Variants in DLG2 observed in about 807,000 individuals in gnomAD.
DLG2 encodes the protein discs large MAGUK scaffold protein 2, also known as disks large homolog 2.
A neutral mutation model predicts 132.5 loss-of-function variants in DLG2; 45 were observed. The observed-to-expected ratio is 0.34, with a 90% CI of 0.27 to 0.44. The LOEUF (loss-of-function observed/expected upper bound fraction) is 0.44, where lower values mean the gene tolerates loss of function less well. Among genes scored for constraint, DLG2 ranks in the 20% least tolerant of loss-of-function variants. The pLI is 1.00. For synonymous variants in DLG2, 424 were observed against 419.6 expected (o/e 1.01, Z -0.13); for missense variants, 1,045 against 1,196.9 (o/e 0.87, Z 1.87).
At chr11:84,384,742 C>CA (rs1019011111) in intron 7 of DLG2, among the ~76,000 whole-genome samples, 6 of 151,768 alleles carry the variant, frequency 4.0e-5, no homozygotes, top group African/African-American at 4.8e-5. Context: ...AGTATCTGCC[C>CA]AAAAAACCTA....
chr11:85,501,493 C>T (rs901727069), intron 3 of DLG2, among the ~76,000 whole-genome samples: 45 of 151,880 alleles, frequency 3.0e-4, no homozygotes, highest in Admixed American at 6.6e-4. Flanking sequence ...ACCTACAGAA[C>T]GGGAGAAAAT....
intron 7 of DLG2, among the ~76,000 whole-genome samples, chr11:84,318,551 G>A (rs2098382713): frequency 6.6e-6 from 1 of 152,150 alleles, no homozygotes; most frequent in African/African-American, 2.4e-5. Flanking sequence ...CTGGCAAGGT[G>A]CTTATTGCAA....
At chr11:83,843,182 C>T (rs1011774401) in intron 16 of DLG2, among the ~76,000 whole-genome samples, 1 of 152,166 alleles carries the variant, frequency 6.6e-6, no homozygotes, top group African/African-American at 2.4e-5. Flanking sequence ...TTTCATATTT[C>T]AGCCTTACAA....
At chr11:83,647,926 T>A (rs987934771) in intron 18 of DLG2, 1 of 152,160 alleles carries the variant, frequency 6.6e-6, no homozygotes, top group Non-Finnish European at 1.5e-5. Context: ...ATGTTCTATA[T>A]CCCCAAACCT....
At chr11:83,717,656 C>T (rs577003482) in intron 18 of DLG2, among the ~76,000 whole-genome samples, 1 of 152,278 alleles carries the variant, frequency 6.6e-6, no homozygotes, top group Non-Finnish European at 1.5e-5. Flanking sequence ...GAAAAAAGTA[C>T]AGAAAAACTC....
intron 3 of DLG2, among the ~76,000 whole-genome samples, chr11:85,386,902 C>CT (rs1164952740): frequency 2.0e-4 from 26 of 131,572 alleles, no homozygotes; most frequent in African/African-American, 3.9e-4. Context: ...TTTTTTTTTT[C>CT]TTTTTTTTTT....
intron 6 of DLG2, among the ~76,000 whole-genome samples, chr11:84,900,606 C>T (rs1262549136): frequency 6.6e-6 from 1 of 151,968 alleles, no homozygotes; most frequent in Non-Finnish European, 1.5e-5. Context: ...TTAGATATCA[C>T]TGTATACATG....
intron 6 of DLG2, among the ~76,000 whole-genome samples, chr11:84,891,963 T>C (rs2089466100): frequency 6.6e-6 from 1 of 152,192 alleles, no homozygotes; most frequent in African/African-American, 2.4e-5. Flanking sequence ...ATTTTAGATT[T>C]CTCTACAAGT....
intron 6 of DLG2, among the ~76,000 whole-genome samples, chr11:84,992,046 C>T (rs1285247212): frequency 6.6e-6 from 1 of 152,128 alleles, no homozygotes; most frequent in Non-Finnish European, 1.5e-5. Flanking sequence ...CTACCAATGG[C>T]CTTTCCACAT....
chr11:83,743,206 T>C (rs1417818057), intron 18 of DLG2, among the ~76,000 whole-genome samples: 1 of 152,156 alleles, frequency 6.6e-6, no homozygotes, highest in East Asian at 1.9e-4. Flanking sequence ...TCTCTGCTAA[T>C]GGGACTACCC....
intron 6 of DLG2, among the ~76,000 whole-genome samples, chr11:84,759,972 G>A (rs75183010): frequency 0.025 from 3,878 of 152,178 alleles, 148 homozygotes; most frequent in African/African-American, 0.079. Flanking sequence ...AGTGCAGTAC[G>A]TTTATGATGT....
chr11:84,212,076 T>C (rs1236641256), intron 8 of DLG2, among the ~76,000 whole-genome samples: 1 of 152,250 alleles, frequency 6.6e-6, no homozygotes, highest in Non-Finnish European at 1.5e-5. Context: ...TGCCGTTCTG[T>C]GTTTTTCTAT....
intron 19 of DLG2, among the ~76,000 whole-genome samples, chr11:83,577,946 A>C (rs187556363): frequency 0.017 from 2,150 of 124,306 alleles, 51 homozygotes; most frequent in African/African-American, 0.061. Flanking sequence ...ATATATATTT[A>C]ATATTTTGTA....
intron 15 of DLG2, among the ~76,000 whole-genome samples, chr11:83,893,963 C>A (rs551862347): frequency 2.0e-5 from 3 of 152,160 alleles, no homozygotes; most frequent in Admixed American, 2.0e-4. Context: ...ACTAAATATA[C>A]CATTGGTTTG....
intron 6 of DLG2, among the ~76,000 whole-genome samples, chr11:84,844,355 A>G (rs925679909): frequency 2.6e-5 from 4 of 151,752 alleles, no homozygotes; most frequent in African/African-American, 7.3e-5. Context: ...CACAGAATAC[A>G]TACAAAATGG....
At chr11:85,351,040 A>T (rs1596445989) in intron 3 of DLG2, among the ~76,000 whole-genome samples, 2 of 152,192 alleles carry the variant, frequency 1.3e-5, no homozygotes, top group East Asian at 3.8e-4. Context: ...CCTATCCATG[A>T]GGATGGAATT....
rs1555057730 is a variant in DLG2 at position 84,579,188 on chromosome 11, C to CGTGTATGT, written c.358-44458_358-44457insACATACAC. 3.4e-3 allele frequency among the ~76,000 whole-genome samples: 491 copies of CGTGTATGT among 145,692 alleles called. 4 individuals carry two copies. The highest frequency in any genetic ancestry group is 4.9e-3 in the African/African-American group (194 of 39,384). On this transcript the variant is annotated intron_variant, in intron 6 of 27. Transcript: ENST00000376104. Reference sequence around the variant, plus strand: ...GAACTAATACACCTTGCATTATTCACGTGTGTGTGTGTGTGTGTGTGTGTG... The same window carrying CGTGTATGT: ...GAACTAATACACCTTGCATTATTCACGTGTATGTGTGTGTGTGTGTGTGTGTGTGTGTG...
chr11:84,208,434 C>G (rs368307946), intron 8 of DLG2, among the ~76,000 whole-genome samples: 107 of 150,616 alleles, frequency 7.1e-4, no homozygotes, highest in Middle Eastern at 3.5e-3. Context: ...ACCTCTGCCT[C>G]ATGGGATGAA....
At chr11:83,788,279 C>T (rs529103157) in intron 17 of DLG2, among the ~76,000 whole-genome samples, 18 of 152,298 alleles carry the variant, frequency 1.2e-4, no homozygotes, top group South Asian at 2.1e-4. Context: ...ATAATAACTT[C>T]GTTAACATCT....
Sources: allele counts gnomAD v4.1 joint callset (sites outside exome capture counted in the v4.1 genomes callset), GRCh38; gene constraint gnomAD v4.1.1; transcripts MANE v1.5; gene names NCBI Gene and HGNC (gene_info 2026-07-23, HGNC 2026-07-21).